Variants in STIM2 observed in about 807,000 individuals in gnomAD.
STIM2 encodes stromal interaction molecule 2.
A neutral mutation model predicts 85.8 loss-of-function variants in STIM2; 31 were observed. The ratio of observed to expected loss-of-function variants is 0.36; its 90% CI spans 0.27 to 0.49. The LOEUF (loss-of-function observed/expected upper bound fraction) is 0.49, where lower values mean the gene tolerates loss of function less well. STIM2 is among the 20% of genes least tolerant of loss of function. STIM2 has a pLI of 0.98. For missense variants in STIM2, 841 were observed against 927.6 expected (o/e 0.91, Z 1.21); for synonymous variants, 356 against 331.1 (o/e 1.08, Z -0.82).
chr4:26,919,779 A>G (rs1724728372), intron 2 of STIM2, 145 bp downstream of exon 2: 1 of 960,288 alleles, frequency 1.0e-6, no homozygotes, highest in Non-Finnish European at 1.5e-6. Flanking sequence ...TGTTAATTTT[A>G]CCCTTAATAA....
At chr4:26,964,214 T>C (rs962881700) in intron 3 of STIM2, among the ~76,000 whole-genome samples, 5 of 152,200 alleles carry the variant, frequency 3.3e-5, no homozygotes, top group Admixed American at 3.3e-4. Flanking sequence ...TCCACTCATA[T>C]TCCAGTGCTT....
At chr4:26,958,623 C>T (rs1243315135) in intron 3 of STIM2, among the ~76,000 whole-genome samples, 1 of 152,028 alleles carries the variant, frequency 6.6e-6, no homozygotes, top group Non-Finnish European at 1.5e-5. Context: ...TGTTGAAATA[C>T]ACTTGGGTTG....
chr4:26,905,274 G>T (rs998580798), intron 1 of STIM2, among the ~76,000 whole-genome samples: 1 of 152,192 alleles, frequency 6.6e-6, no homozygotes, highest in African/African-American at 2.4e-5. Flanking sequence ...TGACGAATTA[G>T]ATTTAACCAG....
chr4:27,019,731 C>T lies in STIM2; in HGVS notation c.1763+1747C>T, dbSNP rs1577501711. ...TCTCGCTCTGTTGGAATGTTCTATG[C>T]CTTATGCACATATATGCTCATTTAA... On this transcript the variant is annotated intron_variant, in intron 11 of 11. Transcript: ENST00000467087. 9.1e-6 allele frequency: 3 copies of T among 330,836 alleles called. No homozygotes were observed. In the East Asian group the frequency reaches 2.3e-4, roughly 25 times the overall value. 20.5% of individuals were successfully genotyped at this position (330,836 alleles called of 1,614,324 possible).
intron 7 of STIM2, among the ~76,000 whole-genome samples, chr4:27,003,582 A>G: frequency 6.6e-6 from 1 of 152,138 alleles, no homozygotes; most frequent in East Asian, 1.9e-4. Flanking sequence ...GATAGAATAT[A>G]GGCATTTAGG....
chr4:26,894,548 T>C (rs1009593614), intron 1 of STIM2, among the ~76,000 whole-genome samples: 2 of 152,194 alleles, frequency 1.3e-5, no homozygotes, highest in African/African-American at 4.8e-5. Flanking sequence ...ATTTTTTTTT[T>C]TTTAACAAGT....
intron 2 of STIM2, among the ~76,000 whole-genome samples, chr4:26,935,990 G>T (rs994975594): frequency 4.6e-5 from 7 of 151,952 alleles, no homozygotes; most frequent in African/African-American, 1.7e-4. Flanking sequence ...AAATTTCTTT[G>T]TATGTTTTAT....
intron 1 of STIM2, among the ~76,000 whole-genome samples, chr4:26,862,544 A>T (rs1484912140): frequency 3.3e-5 from 5 of 151,668 alleles, no homozygotes; most frequent in Admixed American, 6.6e-5. Context: ...CTATGATAGG[A>T]TATTTACTAT....
chr4:26,937,774 TA>T (rs1432427475), intron 2 of STIM2, among the ~76,000 whole-genome samples: 2 of 152,190 alleles, frequency 1.3e-5, no homozygotes, highest in Admixed American at 1.3e-4. Context: ...CAGTTGTACT[TA>T]CCTTTATCTT....
chr4:26,890,071 A>C (rs1328464279), intron 1 of STIM2, among the ~76,000 whole-genome samples: 1 of 152,194 alleles, frequency 6.6e-6, no homozygotes, highest in Non-Finnish European at 1.5e-5. Context: ...TGTGCTGCCC[A>C]AAGTTCTGTC....
intron 3 of STIM2, among the ~76,000 whole-genome samples, chr4:26,965,490 T>G (rs76822851): frequency 0.017 from 2,542 of 152,256 alleles, 35 homozygotes; most frequent in Non-Finnish European, 0.027. Context: ...TTTTATAAAA[T>G]TATCCAAATG....
At position 27,008,932 on chromosome 4, in the gene STIM2, A is replaced by T. The variant is rs1728466825; in HGVS notation, c.1419A>T (p.Pro473=). The change falls in exon 10 of 12, where the codon CCA becomes CCT. Residue 473 remains proline (P), a synonymous_variant. Transcript: ENST00000467087. ...TGGTGATGCCCAGAGTCTCCATTCC[A>T]CCCTATCCAATTGCTGGAGGAGTTG... 6.2e-7 allele frequency: 1 copy of T among 1,613,844 alleles called. No homozygotes were observed. The highest frequency in any genetic ancestry group is 8.5e-7 in the Non-Finnish European group (1 of 1,179,992).
At chr4:27,005,773 T>A (rs187964516) in intron 7 of STIM2, among the ~76,000 whole-genome samples, 1 of 152,246 alleles carries the variant, frequency 6.6e-6, no homozygotes, top group African/African-American at 2.4e-5. Flanking sequence ...CTTCAATTTA[T>A]GCTAAAAATA....
intron 2 of STIM2, among the ~76,000 whole-genome samples, chr4:26,954,152 C>T (rs1009578133): frequency 2.0e-5 from 3 of 152,094 alleles, no homozygotes; most frequent in Non-Finnish European, 4.4e-5. Flanking sequence ...ATAAAAATAA[C>T]AGCACAAATA....
At chr4:26,936,709 A>G (rs1725404380) in intron 2 of STIM2, among the ~76,000 whole-genome samples, 1 of 152,264 alleles carries the variant, frequency 6.6e-6, no homozygotes, top group Non-Finnish European at 1.5e-5. Flanking sequence ...AACTGACTGT[A>G]GTATGAGATC....
At chr4:26,869,044 C>T (rs1336507970) in intron 1 of STIM2, among the ~76,000 whole-genome samples, 2 of 152,024 alleles carry the variant, frequency 1.3e-5, no homozygotes, top group East Asian at 3.9e-4. Flanking sequence ...CCTGTAATCC[C>T]AGCACTTTTC....
At chr4:26,951,319 C>T (rs1022946924) in intron 2 of STIM2, among the ~76,000 whole-genome samples, 3 of 152,120 alleles carry the variant, frequency 2.0e-5, no homozygotes, top group Admixed American at 6.6e-5. Flanking sequence ...TTTGTACTCC[C>T]ACAGATGTAC....
At chr4:26,955,261 A>G (rs1280495057) in intron 2 of STIM2, among the ~76,000 whole-genome samples, 1 of 147,866 alleles carries the variant, frequency 6.8e-6, no homozygotes, top group Admixed American at 6.7e-5. Flanking sequence ...TCATGTGGAA[A>G]TTTGCTTATT....
intron 4 of STIM2, among the ~76,000 whole-genome samples, chr4:26,996,160 A>G (rs2109126136): frequency 6.6e-6 from 1 of 152,176 alleles, no homozygotes; most frequent in South Asian, 2.1e-4. Context: ...AGGTGTCTGA[A>G]TCCAGTTGTT....
Sources: allele counts gnomAD v4.1 joint callset (sites outside exome capture counted in the v4.1 genomes callset), GRCh38; gene constraint gnomAD v4.1.1; transcripts MANE v1.5; gene names NCBI Gene and HGNC (gene_info 2026-07-23, HGNC 2026-07-21).